EEF1AKMT4: variants seen among roughly 807,000 people sequenced by gnomAD.
EEF1AKMT4 encodes the protein eukaryotic translation elongation factor 1 alpha lysine specific methyltransferase 4.
Under a neutral mutation model 23.0 loss-of-function variants are expected in EEF1AKMT4, and 17 were observed. That is an observed-to-expected ratio of 0.74 (90% CI 0.51 to 1.11). The LOEUF is 1.11. Among genes scored for constraint, EEF1AKMT4 ranks in the 50% least tolerant of loss-of-function variants. The probability of loss-of-function intolerance (pLI) is 0.00; values close to 1 mark genes in which losing one functional copy is unlikely to be tolerated. For missense variants in EEF1AKMT4, 318 were observed against 333.4 expected, an observed-to-expected ratio of 0.95 and a Z score of 0.36; for synonymous variants, 140 against 141.4, an observed-to-expected ratio of 0.99 and a Z score of 0.07.
intron 1 of EEF1AKMT4, among the ~76,000 whole-genome samples, chr3:184,252,697 C>T (rs2668188): frequency 0.027 from 4,099 of 152,208 alleles, 83 homozygotes; most frequent in Non-Finnish European, 0.038. Context: ...AATCCCACCA[C>T]TTTGGGAGGC....
chr3:184,250,015 G>C, intron 1 of EEF1AKMT4, 125 bp downstream of exon 1: 4 of 1,070,088 alleles, frequency 3.7e-6, no homozygotes, highest in Non-Finnish European at 5.3e-6. Context: ...TGGGACGCGA[G>C]ATCCAGCTCC....
At chr3:184,255,581 G>A (rs1466512754) in intron 1 of EEF1AKMT4, among the ~76,000 whole-genome samples, 1 of 152,222 alleles carries the variant, frequency 6.6e-6, no homozygotes, top group Non-Finnish European at 1.5e-5. Flanking sequence ...GTCAAGCTGG[G>A]ACTGGCCATA....
chr3:184,251,417 C>T (rs1719547594), intron 1 of EEF1AKMT4, among the ~76,000 whole-genome samples: 1 of 152,094 alleles, frequency 6.6e-6, no homozygotes. Context: ...CCTGTAATCC[C>T]AGGTACTTGG....
At position 184,257,530 on chromosome 3, in the gene EEF1AKMT4, C is replaced by A; in HGVS notation, c.254C>A (p.Thr85Asn). 1 of 1,614,090 alleles carries A rather than the reference C, an allele frequency of 6.2e-7. No individual in the cohort carries two copies. Among genetic ancestry groups the A allele is most frequent in the Non-Finnish European group, 8.5e-7 (1 of 1,180,004 alleles). ...ELFLGGFPNV[T>N]SVDYSSVVVA... ...TTCCTCGGAGGCTTCCCTAATGTGA[C>A]CAGTGTGGACTACTCATCAGTCGTG... Residue 85 changes from threonine to asparagine, a missense_variant, in exon 2 of 3, where the codon ACC becomes AAC. By Grantham distance (65) the Thr-to-Asn change is moderately conservative (BLOSUM62 0). Coordinates refer to ENST00000324557, the MANE Select transcript of EEF1AKMT4 (RefSeq NM_032331.4).
At position 184,249,737 on chromosome 3, in the gene EEF1AKMT4, G is replaced by T; in HGVS notation, c.43G>T (p.Glu15Ter). The part of the protein sequence containing the change: ...GAGRAPPELP[E>*]RNCGYREVEY... ...AGGTAGGGCGCCTCCGGAGTTACCG[G>T]AGCGGAACTGCGGGTACCGCGAAGT... The change falls in exon 1 of 3, where the codon GAG becomes TAG. Residue 15 changes from glutamate (E) to a stop codon, truncating the protein, a stop_gained. Transcript: ENST00000324557. LOFTEE classifies it high-confidence loss of function. The T allele has an allele frequency of 1.9e-6, 3 of 1,612,674 alleles. No individual in the cohort carries two copies. Among genetic ancestry groups the T allele is most frequent in the South Asian group, 2.2e-5 (2 of 91,068 alleles).
Position 184,258,413 on chromosome 3 carries a change from C to T in EEF1AKMT4, c.606C>T (p.Ser202=), listed in dbSNP as rs763486256. Residue 202 remains serine, a synonymous_variant, in exon 3 of 3, where the codon AGC becomes AGT. Transcript: ENST00000324557. ...GWSLRHATYG[S]GFHFHLYLMH... ...CCCTGAGGCATGCTACCTATGGCAG[C>T]GGTTTCCACTTCCATCTCTACCTCA... 2.0e-5 allele frequency: 33 copies of T among 1,613,948 alleles called. 1 individual carries two copies. The East Asian group carries it at 6.0e-4, about 29-fold the overall frequency.
intron 1 of EEF1AKMT4, among the ~76,000 whole-genome samples, chr3:184,256,452 G>C (rs947817759): frequency 2.0e-5 from 3 of 152,048 alleles, no homozygotes; most frequent in Admixed American, 6.6e-5. Context: ...TTTCTAAGAG[G>C]TTGGGGATTA....
chr3:184,258,726 G>T lies in EEF1AKMT4; in HGVS notation c.*151G>T. ...ATAGAGGGTGGGAGCGAACCCACAT[G>T]AACCAATACAGCCCAGCTCCAACTA... is the stretch of plus-strand genomic sequence containing the variant. On this transcript the variant is annotated 3_prime_UTR_variant, in exon 3 of 3. Transcript: ENST00000324557. 1 of 1,399,496 alleles carries T rather than the reference G, an allele frequency of 7.1e-7. No individual in the cohort carries two copies. The highest frequency in any genetic ancestry group is 9.3e-7 in the Non-Finnish European group (1 of 1,081,052). 86.7% of individuals were successfully genotyped at this position (1,399,496 alleles called of 1,614,324 possible). A position where few individuals can be genotyped will look rare whatever the true frequency, so the allele number is the denominator to read the frequency against.
In EEF1AKMT4 at chr3:184,254,205, C is replaced by T. The variant is rs148518471; in HGVS notation, c.197-3268C>T. Among the ~76,000 whole-genome samples, 754 of 152,200 alleles carry T rather than the reference C, an allele frequency of 5.0e-3. 3 individuals are homozygous for T. The highest frequency in any genetic ancestry group is 8.5e-3 in the Non-Finnish European group (577 of 68,014). On this transcript the variant is annotated intron_variant, in intron 1 of 2. Transcript: ENST00000324557. ...ATAGCAAATGAATGTATATGGATGG[C>T]TGGCCCCACTTTGCTGTTATTGAGC...
At chr3:184,250,328 A>G (rs1233530302) in intron 1 of EEF1AKMT4, among the ~76,000 whole-genome samples, 1 of 152,256 alleles carries the variant, frequency 6.6e-6, no homozygotes, top group East Asian at 1.9e-4. Context: ...CACCTCGAGA[A>G]TAATGCCCAG....
chr3:184,249,925 C>T (rs367780094), intron 1 of EEF1AKMT4, 35 bp downstream of exon 1: 11 of 1,594,202 alleles, frequency 6.9e-6, no homozygotes, highest in Non-Finnish European at 9.4e-6. Context: ...CCAGGTAGAG[C>T]TGGCAGGACC....
chr3:184,252,358 G>A (rs560594584), intron 1 of EEF1AKMT4, among the ~76,000 whole-genome samples: 3 of 152,276 alleles, frequency 2.0e-5, no homozygotes, highest in African/African-American at 4.8e-5. Context: ...TGTAAGAACA[G>A]GACCCACAAC....
intron 1 of EEF1AKMT4, among the ~76,000 whole-genome samples, chr3:184,250,566 A>T (rs752393751): frequency 2.6e-5 from 4 of 152,226 alleles, no homozygotes; most frequent in Non-Finnish European, 4.4e-5. Context: ...TCAGCCTTGG[A>T]GGCGCTAGTA....
Position 184,249,679 on chromosome 3 carries a change from C to T in EEF1AKMT4, c.-16C>T. On this transcript the variant is annotated 5_prime_UTR_variant, in exon 1 of 3. Coordinates refer to ENST00000324557, the MANE Select transcript of EEF1AKMT4 (RefSeq NM_032331.4). ...GCTGAAGGGCCGGCGGCTCTGGCTG[C>T]CCGGCGGTTGAGAGCATGGCCTCTC... 2 of 1,578,562 alleles carry T rather than the reference C, an allele frequency of 1.3e-6. No homozygotes were observed. The highest frequency in any genetic ancestry group is 1.1e-5 in the South Asian group (1 of 89,486).
intron 1 of EEF1AKMT4, among the ~76,000 whole-genome samples, chr3:184,251,117 G>A (rs190956808): frequency 6.9e-6 from 1 of 144,998 alleles, no homozygotes; most frequent in Non-Finnish European, 1.5e-5. Context: ...AAAGAACTTG[G>A]ACTCTGGGCT....
At chr3:184,250,693 A>G (rs1719497527) in intron 1 of EEF1AKMT4, among the ~76,000 whole-genome samples, 2 of 152,262 alleles carry the variant, frequency 1.3e-5, no homozygotes, top group Non-Finnish European at 2.9e-5. Context: ...TGTAATATAT[A>G]TGTAAGGTAT....
intron 1 of EEF1AKMT4, among the ~76,000 whole-genome samples, chr3:184,253,612 T>C (rs1436168187): frequency 1.3e-5 from 2 of 152,062 alleles, no homozygotes; most frequent in African/African-American, 4.8e-5. Context: ...CTTGAGAAAG[T>C]TTCTTACCAC....
chr3:184,254,883 A>T (rs1719729464), intron 1 of EEF1AKMT4, among the ~76,000 whole-genome samples: 1 of 151,994 alleles, frequency 6.6e-6, no homozygotes, highest in Non-Finnish European at 1.5e-5. Flanking sequence ...CCCTCATGTG[A>T]TGTATTCTTG....
intron 1 of EEF1AKMT4, among the ~76,000 whole-genome samples, chr3:184,254,596 C>T (rs2108449718): frequency 6.6e-6 from 1 of 151,110 alleles, no homozygotes; most frequent in South Asian, 2.1e-4. Flanking sequence ...GCCTGTAGTC[C>T]CAGCTACTCG....
Sources: allele counts gnomAD v4.1 joint callset (sites outside exome capture counted in the v4.1 genomes callset), GRCh38; gene constraint gnomAD v4.1.1; transcripts MANE v1.5; gene names NCBI Gene and HGNC (gene_info 2026-07-23, HGNC 2026-07-21).